Variants in MBTPS1 observed in about 807,000 individuals in gnomAD.
The protein encoded by MBTPS1 is membrane bound transcription factor peptidase, site 1.
In MBTPS1, 94 loss-of-function variants were observed where a neutral mutation model predicts 127.8. That is an observed-to-expected ratio of 0.74 (90% CI 0.62 to 0.87). The LOEUF (loss-of-function observed/expected upper bound fraction) is 0.87, where lower values mean the gene tolerates loss of function less well. Ranked by LOEUF, MBTPS1 falls within the 40% of genes least tolerant of loss-of-function variation. The pLI is 0.00. For missense variants in MBTPS1, 1,636 were observed against 1,353.2 expected (o/e 1.21, Z -3.28); for synonymous variants, 632 against 509.4 (o/e 1.24, Z -3.24).
intron 14 of MBTPS1, among the ~76,000 whole-genome samples, chr16:84,069,377 A>G (rs1567478084): frequency 6.6e-6 from 1 of 152,318 alleles, no homozygotes; most frequent in East Asian, 1.9e-4. Flanking sequence ...TGAGGAAGTC[A>G]GAATAGGCAG....
chr16:84,077,250 AG>A (rs2085871361), intron 11 of MBTPS1, among the ~76,000 whole-genome samples: 6 of 76,694 alleles, frequency 7.8e-5, no homozygotes, highest in Non-Finnish European at 1.2e-4. Flanking sequence ...AAAAAAAAAA[AG>A]AGAGAGAGAA....
At chr16:84,086,543 G>A (rs2086029732) in intron 9 of MBTPS1, 1 of 152,454 alleles carries the variant, frequency 6.6e-6, no homozygotes, top group Non-Finnish European at 1.5e-5. Flanking sequence ...GGGACGCTGG[G>A]GGCTGACGCT....
chr16:84,105,180 T>G (rs1249988076), intron 1 of MBTPS1, among the ~76,000 whole-genome samples: 2 of 151,826 alleles, frequency 1.3e-5, no homozygotes, highest in African/African-American at 4.8e-5. Flanking sequence ...ATAATAAATG[T>G]GGGGTATGTG....
At chr16:84,094,699 T>C (rs2086155446) in intron 4 of MBTPS1, among the ~76,000 whole-genome samples, 1 of 152,096 alleles carries the variant, frequency 6.6e-6, no homozygotes, top group East Asian at 1.9e-4. Context: ...AATCATTTGG[T>C]TTGGGGGGAA....
chr16:84,102,679 C>T (rs1169189609), intron 1 of MBTPS1, among the ~76,000 whole-genome samples: 3 of 152,208 alleles, frequency 2.0e-5, no homozygotes, highest in Admixed American at 2.0e-4. Context: ...ACTTTTACTT[C>T]CCACAAATTT....
At chr16:84,057,308 T>G (rs2085536749) in intron 21 of MBTPS1, 1 of 152,266 alleles carries the variant, frequency 6.6e-6, no homozygotes, top group Admixed American at 6.5e-5. Context: ...CAATGACATT[T>G]AGGCTTTATG....
chr16:84,055,689 G>C (rs1032704061), intron 22 of MBTPS1, among the ~76,000 whole-genome samples: 4 of 152,224 alleles, frequency 2.6e-5, no homozygotes, highest in Non-Finnish European at 1.5e-5. Context: ...GTTAATAGGT[G>C]GCTGGCAGAA....
chr16:84,087,271 T>C, intron 9 of MBTPS1, 87 bp downstream of exon 9: 1 of 1,010,530 alleles, frequency 9.9e-7, no homozygotes, highest in South Asian at 1.3e-5. Flanking sequence ...CACTTACAAA[T>C]ACACCCCAAG....
Position 84,101,680 on chromosome 16 carries a change from C to A in MBTPS1, c.104G>T (p.Cys35Phe). The part of the protein sequence containing the change: ...LEKKSFEKAP[C>F]PGCSHLTLKV... ...CAAAGTCAGGTGGGAACAGCCAGGG[C>A]ATGGGGCCTTTTCAAAAGATTTCTT... Residue 35 changes from cysteine (C) to phenylalanine (F), a missense_variant, in exon 2 of 23, where the codon TGC becomes TTC. Coordinates refer to ENST00000343411, the MANE Select transcript of MBTPS1 (RefSeq NM_003791.4). The A allele has an allele frequency of 6.2e-7, 1 of 1,614,120 alleles. No individual in the cohort carries two copies. Among genetic ancestry groups the A allele is most frequent in the Non-Finnish European group, 8.5e-7 (1 of 1,179,976 alleles).
intron 1 of MBTPS1, among the ~76,000 whole-genome samples, chr16:84,103,833 C>T (rs960077468): frequency 1.3e-5 from 2 of 152,198 alleles, no homozygotes; most frequent in African/African-American, 4.8e-5. Flanking sequence ...GGCACTGGCA[C>T]TGGCAACTAA....
At chr16:84,093,848 A>G in intron 4 of MBTPS1, 27 bp from the exon 5 acceptor site, 1 of 1,442,734 alleles carries the variant, frequency 6.9e-7, no homozygotes, top group African/African-American at 1.4e-5. Flanking sequence ...AGCAAACACA[A>G]TTATGTTTGA....
rs2086221046 is a variant in MBTPS1, at chr16:84,099,228, T to G, written c.246A>C (p.Val82=). 2.5e-6 allele frequency: 4 copies of G among 1,614,036 alleles called. No individual in the cohort carries two copies. The highest frequency in any genetic ancestry group is 3.4e-6 in the Non-Finnish European group (4 of 1,179,974). The change falls in exon 3 of 23, where the codon GTA becomes GTC. Residue 82 remains valine (V), a synonymous_variant. Transcript: ENST00000343411. ...TTCGAGGTATAATTCTCCAATTGTC[T>G]ACTTCACTGCTCTTCAGGGCACTTG... ...FISSALKSSE[V]DNWRIIPRNN... is the part of the protein sequence containing the mutation.
chr16:84,059,287 C>T lies in MBTPS1; in HGVS notation c.2831+15G>A, dbSNP rs746984005. On this transcript the variant is annotated intron_variant, in intron 21 of 22. Transcript: ENST00000343411. ...GCCCCGTGGAAAGAGTGGAAGGGCA[C>T]AGGCGGACACTAACCTGGGCGCCGT... is the stretch of plus-strand genomic sequence containing the variant. 5.6e-6 allele frequency: 9 copies of T among 1,609,262 alleles called. No homozygotes were observed. In the Admixed American group the frequency reaches 8.4e-5, roughly 15 times the overall value.
chr16:84,087,546 C>A (rs117760538), intron 8 of MBTPS1, 86 bp from the exon 9 acceptor site: 507 of 841,534 alleles, frequency 6.0e-4, no homozygotes, highest in Non-Finnish European at 8.6e-4. Flanking sequence ...CAAACCAGGG[C>A]GAATACTCCC....
chr16:84,112,708 C>G (rs1490436220), intron 1 of MBTPS1, among the ~76,000 whole-genome samples: 1 of 147,606 alleles, frequency 6.8e-6, no homozygotes, highest in Non-Finnish European at 1.5e-5. Context: ...GGCTCGGTGG[C>G]TCACAGCTAT....
At chr16:84,090,808 G>A (rs768710740) in intron 8 of MBTPS1, 67 bp downstream of exon 8, 17 of 1,126,566 alleles carry the variant, frequency 1.5e-5, no homozygotes, top group Non-Finnish European at 2.2e-5. Context: ...TACACAAACA[G>A]ATAACAATTT....
In MBTPS1 at chr16:84,101,742, C is replaced by A; in HGVS notation, c.42G>T (p.Leu14Phe). The A allele has an allele frequency of 6.2e-7, 1 of 1,614,094 alleles. No homozygotes were observed. The highest frequency in any genetic ancestry group is 8.5e-7 in the Non-Finnish European group (1 of 1,179,994). Reference protein sequence around the residue: ...VNIWLLLLVVLLCGKKHLGDR... With the variant: ...VNIWLLLLVVFLCGKKHLGDR... ...CGCCCAGATGTTTCTTCCCACAGAG[C>A]AAAACCACGAGCAGAAGCAGCCAGA... The change falls in exon 2 of 23, where the codon TTG becomes TTT. Residue 14 changes from leucine (L) to phenylalanine (F), a missense_variant. By Grantham distance (22) the Leu-to-Phe change is conservative (BLOSUM62 0). Transcript: ENST00000343411.
Position 84,059,375 on chromosome 16 carries a change from T to C in MBTPS1, c.2758A>G (p.Lys920Glu), listed in dbSNP as rs1316332435. ...GGACAGGCTGGTAGAGGCCGAGGTT[T>C]TGGGTCTCCCAAATGGGCCTCCAGA... ...KVLEAHLGDP[K>E]PRPLPACPRL... Residue 920 changes from lysine (K) to glutamate (E), a missense_variant, in exon 21 of 23, where the codon AAA becomes GAA. Physicochemically the swap from Lys to Glu is moderately conservative, Grantham distance 56 (BLOSUM62 1). Coordinates refer to ENST00000343411, the MANE Select transcript of MBTPS1 (RefSeq NM_003791.4). 1.9e-6 allele frequency: 3 copies of C among 1,614,046 alleles called. No homozygotes were observed. In the African/African-American group the frequency reaches 4.0e-5, roughly 22 times the overall value.
intron 21 of MBTPS1, 35 bp downstream of exon 21, chr16:84,059,267 G>T: frequency 6.3e-7 from 1 of 1,592,892 alleles, no homozygotes; most frequent in Non-Finnish European, 8.6e-7. Flanking sequence ...CACAAGCCCC[G>T]TGGAAAGAGT....
Sources: gnomAD v4.1 joint callset for allele counts (sites outside exome capture counted in the v4.1 genomes callset) on GRCh38, gnomAD v4.1.1 for gene constraint, MANE v1.5 for transcripts, NCBI Gene and HGNC (gene_info 2026-07-23, HGNC 2026-07-21) for gene names.